TMEM9B: variants seen among roughly 807,000 people sequenced by gnomAD.
TMEM9B encodes transmembrane protein 9B.
Under a neutral mutation model 23.5 loss-of-function variants are expected in TMEM9B, and 8 were observed. The observed-to-expected ratio is 0.34, with a 90% confidence interval of 0.20 to 0.61. The LOEUF is 0.61. TMEM9B is among the 20% of genes least tolerant of loss of function. TMEM9B has a pLI of 0.78. For synonymous variants in TMEM9B, 106 were observed against 96.3 expected (o/e 1.10, Z -0.59); for missense variants, 197 against 252.3 (o/e 0.78, Z 1.49).
chr11:8,953,962 G>A (rs963908493), intron 3 of TMEM9B, among the ~76,000 whole-genome samples: 42 of 152,290 alleles, frequency 2.8e-4, no homozygotes, highest in Non-Finnish European at 3.8e-4. Context: ...AGACATATGT[G>A]CAGATATTCA....
chr11:8,955,054 G>C (rs1053901590), intron 3 of TMEM9B, among the ~76,000 whole-genome samples: 4 of 151,866 alleles, frequency 2.6e-5, no homozygotes, highest in African/African-American at 9.7e-5. Flanking sequence ...AGGAGGCTGA[G>C]GCAGGAGAAT....
At chr11:8,964,518 G>C (rs371071120), upstream of TMEM9B, 1 of 1,388,374 alleles carries the variant, frequency 7.2e-7, no homozygotes, top group East Asian at 2.7e-5. Context: ...CCAGTGCGAA[G>C]GGCCGGGAGG....
At chr11:8,953,168 T>A in intron 4 of TMEM9B, 35 bp downstream of exon 4, 2 of 1,613,972 alleles carry the variant, frequency 1.2e-6, no homozygotes, top group Non-Finnish European at 1.7e-6. Flanking sequence ...TGACAGGGAC[T>A]GGCCATGAGC....
chr11:8,962,262 G>C (rs933029652), intron 1 of TMEM9B, 79 bp from the exon 2 acceptor site: 1 of 893,560 alleles, frequency 1.1e-6, no homozygotes, highest in Non-Finnish European at 1.7e-6. Context: ...TATACATTTT[G>C]CCAAGCATCC....
intron 4 of TMEM9B, among the ~76,000 whole-genome samples, chr11:8,952,319 C>CGTGTTT (rs1555228023): frequency 2.0e-5 from 3 of 148,762 alleles, no homozygotes; most frequent in Admixed American, 6.7e-5. Context: ...AATGTACACA[C>CGTGTTT]GTGTGTGTGT....
intron 1 of TMEM9B, 121 bp downstream of exon 1, chr11:8,964,088 C>G (rs1156298263): frequency 1.0e-6 from 1 of 980,276 alleles, no homozygotes; most frequent in African/African-American, 1.7e-5. Context: ...TCTGCCGGAG[C>G]TGTGAGGCCA....
In TMEM9B at chr11:8,953,275, A is replaced by C. The variant is rs763621510; in HGVS notation, c.369T>G (p.Thr123=). ...GCCTCTTCAGTATGGGCTCAACCAG[A>C]GTAAGATATACCATGTACAGAAGTA... ...GLLLLYMVYL[T]LVEPILKRRL... The change falls in exon 4 of 5, where the codon ACT becomes ACG. Residue 123 remains threonine, a synonymous_variant. Coordinates refer to ENST00000534025, the MANE Select transcript of TMEM9B (RefSeq NM_020644.3). The C allele has an allele frequency of 8.7e-6, 14 of 1,614,036 alleles. No homozygotes were observed. In the African/African-American group the frequency reaches 1.7e-4, roughly 20 times the overall value.
rs149313990 is a variant in TMEM9B at position 8,956,788 on chromosome 11, T to C, written c.198-490A>G. On this transcript the variant is annotated intron_variant, in intron 2 of 4. Coordinates refer to ENST00000534025, the MANE Select transcript of TMEM9B (RefSeq NM_020644.3). ...GGGCTGTAGTGGAGTGGTGCCATCA[T>C]AGCTCACTGCAGCCTCAGACTCCTG... Among the ~76,000 whole-genome samples, 338 of 152,322 alleles carry C rather than the reference T, an allele frequency of 2.2e-3. 1 individual carries two copies. Among genetic ancestry groups the C allele is most frequent in the African/African-American group, 7.7e-3 (320 of 41,584 alleles).
rs899570864 is a variant in TMEM9B, at chr11:8,947,547, A to G, written c.*773T>C. 6.6e-6 allele frequency: 1 copy of G among 152,616 alleles called. No homozygotes were observed. 9.5% of individuals were successfully genotyped at this position (152,616 alleles called of 1,614,324 possible). A position where few individuals can be genotyped will look rare whatever the true frequency, so the allele number is the denominator to read the frequency against. On this transcript the variant is annotated 3_prime_UTR_variant, in exon 5 of 5. Transcript: ENST00000534025. ...CTTTATTGCAAGTGTCCAAGTCCTT[A>G]GGATTTGTCCTTAAAGGTACTAGAA...
intron 1 of TMEM9B, chr11:8,962,703 A>G (rs1854102179): frequency 6.5e-6 from 1 of 153,390 alleles, no homozygotes; most frequent in African/African-American, 2.4e-5. Context: ...ACCTACAACT[A>G]GAAAGGAAGT....
chr11:8,955,257 C>A (rs930641207), intron 3 of TMEM9B, among the ~76,000 whole-genome samples: 4 of 151,928 alleles, frequency 2.6e-5, no homozygotes, highest in Non-Finnish European at 4.4e-5. Flanking sequence ...CCATTTACTA[C>A]AGCAATACTC....
At chr11:8,961,320 G>C (rs1024738873) in intron 2 of TMEM9B, among the ~76,000 whole-genome samples, 1 of 152,184 alleles carries the variant, frequency 6.6e-6, no homozygotes, top group African/African-American at 2.4e-5. Flanking sequence ...CTACCATTTG[G>C]AACTATTTTT....
intron 2 of TMEM9B, among the ~76,000 whole-genome samples, chr11:8,958,774 T>C (rs1245373621): frequency 6.6e-6 from 1 of 152,018 alleles, no homozygotes; most frequent in Non-Finnish European, 1.5e-5. Context: ...TTTTTCCATG[T>C]TGGTCAGGCT....
Position 8,952,279 on chromosome 11 carries a change from C to CACAT in TMEM9B, c.441+923_441+924insATGT, listed in dbSNP as rs371219457. Among the ~76,000 whole-genome samples the CACAT allele has an allele frequency of 2.5e-3, 316 of 126,134 alleles. 1 individual carries two copies. Among genetic ancestry groups the CACAT allele is most frequent in the South Asian group, 0.01 (40 of 3,912 alleles). The allele number at this position is 126,134 out of a possible 152,430, so 82.7% of individuals were successfully genotyped here. On this transcript the variant is annotated intron_variant, in intron 4 of 4. Coordinates refer to ENST00000534025, the MANE Select transcript of TMEM9B (RefSeq NM_020644.3). ...ACACACACACACACACACACACACA[C>CACAT]GCTATATATATATATATATAAACAT...
intron 3 of TMEM9B, among the ~76,000 whole-genome samples, chr11:8,954,812 A>G (rs964721442): frequency 1.3e-5 from 2 of 152,062 alleles, no homozygotes; most frequent in African/African-American, 4.8e-5. Context: ...ACCACCCCAC[A>G]TTCCCCACAG....
chr11:8,960,774 C>A (rs1589948547), intron 2 of TMEM9B, among the ~76,000 whole-genome samples: 1 of 151,662 alleles, frequency 6.6e-6, no homozygotes, highest in African/African-American at 2.4e-5. Flanking sequence ...CTCTGCCTCC[C>A]GGGTTCAAGC....
At chr11:8,964,136 G>T in intron 1 of TMEM9B, 73 bp downstream of exon 1, 2 of 1,447,094 alleles carry the variant, frequency 1.4e-6, no homozygotes, top group Non-Finnish European at 9.4e-7. Context: ...GGAGCAGGTT[G>T]GCAGACCCAG....
intron 2 of TMEM9B, among the ~76,000 whole-genome samples, chr11:8,958,416 C>T (rs1298639362): frequency 6.0e-5 from 9 of 150,738 alleles, no homozygotes; most frequent in Admixed American, 3.3e-4. Context: ...GAGCCGAGAT[C>T]GCGCCATTGC....
Position 8,953,204 on chromosome 11 carries a change from C to G in TMEM9B, c.440G>C (p.Gly147Ala), listed in dbSNP as rs373096100. 1 of 1,614,112 alleles carries G rather than the reference C, an allele frequency of 6.2e-7. No homozygotes were observed. The highest frequency in any genetic ancestry group is 1.1e-5 in the South Asian group (1 of 91,084). The change falls in exon 4 of 5, where the codon GGG becomes GCG. Residue 147 changes from glycine (G) to alanine (A), a missense_variant and splice_region_variant. Physicochemically the swap from Gly to Ala is moderately conservative, Grantham distance 60. Transcript: ENST00000534025. The part of the protein sequence containing the change: ...AQLIQSDDDI[G>A]DHQPFANAHD... ...AGCTAGGGCAGGCTGGGAACTTACCCCAATATCATCATCACTCTGTATCAA... is the reference window on the plus strand; with the variant it reads ...AGCTAGGGCAGGCTGGGAACTTACCGCAATATCATCATCACTCTGTATCAA...
Sources: allele counts gnomAD v4.1 joint callset (sites outside exome capture counted in the v4.1 genomes callset), GRCh38; gene constraint gnomAD v4.1.1; transcripts MANE v1.5; gene names NCBI Gene and HGNC (gene_info 2026-07-23, HGNC 2026-07-21).